KLF8: variants seen among roughly 807,000 people sequenced by gnomAD.
KLF8 encodes the protein KLF transcription factor 8.
In KLF8, 10 loss-of-function variants were observed where a neutral mutation model predicts 18.2. The ratio of observed to expected loss-of-function variants is 0.55; its 90% confidence interval spans 0.34 to 0.93. KLF8 has a LOEUF of 0.93. KLF8 is among the 40% of genes least tolerant of loss of function. The pLI, the probability that KLF8 is intolerant of heterozygous loss-of-function variation, is 0.02. For missense variants in KLF8, 264 were observed against 277.9 expected (o/e 0.95, Z 0.36); for synonymous variants, 109 against 97.3 (o/e 1.12, Z -0.71).
Position 56,289,173 on chromosome X carries a change from A to G in KLF8, c.*4679A>G, listed in dbSNP as rs1488136239. The stretch of plus-strand genomic sequence containing the variant: ...CTTCGAGTTATAATCTAATACTACT[A>G]CTTTATTTTATTGCTCGAATTGTTC... On this transcript the variant is annotated 3_prime_UTR_variant, in exon 6 of 6. Coordinates refer to ENST00000468660, the MANE Select transcript of KLF8 (RefSeq NM_007250.5). 8.9e-6 allele frequency among the ~76,000 whole-genome samples: 1 copy of G among 111,862 alleles called. No individual in the cohort carries two copies. Among genetic ancestry groups the G allele is most frequent in the Non-Finnish European group, 1.9e-5 (1 of 53,246 alleles).
chrX:56,038,403 T>G, the KLF8 span, among the ~76,000 whole-genome samples: 1 of 111,480 alleles, frequency 9.0e-6, no homozygotes, highest in Admixed American at 9.5e-5. Context: ...GGCCCCAGTG[T>G]GTTGTTCCCT....
Position 56,269,484 on chromosome X carries a change from G to A in KLF8, c.753G>A (p.Gln251=), listed in dbSNP as rs770675296. Residue 251 remains glutamine (Q), a synonymous_variant, in exon 4 of 6, where the codon CAG becomes CAA. Transcript: ENST00000468660. The part of the protein sequence containing the change: ...SSALQSLQGL[Q]QEPAAMAQMQ... ...CCTTGCAGAGTCTGCAGGGACTACAGCAAGAGTGAGTACTTTTTGTCTTCA... is the reference window on the plus strand; with the variant it reads ...CCTTGCAGAGTCTGCAGGGACTACAACAAGAGTGAGTACTTTTTGTCTTCA... 1 of 1,191,657 alleles carries A rather than the reference G, an allele frequency of 8.4e-7. No individual in the cohort carries two copies. The highest frequency in any genetic ancestry group is 1.9e-5 in the South Asian group (1 of 53,020).
At chrX:56,010,507 C>A in the KLF8 span, among the ~76,000 whole-genome samples, 1 of 111,946 alleles carries the variant, frequency 8.9e-6, no homozygotes, top group Non-Finnish European at 1.9e-5. Flanking sequence ...ACTACAAAAA[C>A]ACAATGAAAT....
rs2067042190 is a variant in KLF8 at position 56,270,459 on chromosome X, A to G, written c.898+138A>G. The G allele has an allele frequency of 4.0e-6, 3 of 749,755 alleles. No homozygotes were observed. In the South Asian group the frequency reaches 1.4e-4, roughly 34 times the overall value. The allele number at this position is 749,755 out of a possible 1,213,427, so 61.8% of individuals were successfully genotyped here. ...GAGAGAGAAAATTTCTGAGAGACAG[A>G]GAATGAAGTCCTGAAACAAAGACTG... is the stretch of plus-strand genomic sequence containing the variant. On this transcript the variant is annotated intron_variant, in intron 5 of 5. Transcript: ENST00000468660.
the KLF8 span, among the ~76,000 whole-genome samples, chrX:56,053,896 C>T: frequency 9.0e-6 from 1 of 110,658 alleles, no homozygotes; most frequent in Non-Finnish European, 1.9e-5. Context: ...TCTTCTCTCC[C>T]TATTTCTTCA....
the KLF8 span, among the ~76,000 whole-genome samples, chrX:56,187,100 G>C: frequency 2.7e-5 from 3 of 111,230 alleles, no homozygotes; most frequent in South Asian, 1.1e-3. Context: ...TTTTTGAAAG[G>C]ATCAACAAAA....
the KLF8 span, among the ~76,000 whole-genome samples, chrX:55,974,457 T>G: frequency 4.5e-5 from 5 of 111,658 alleles, no homozygotes; most frequent in Admixed American, 9.5e-5. Flanking sequence ...TAAACAATAA[T>G]AAGGAAAAAA....
chrX:56,056,341 C>G, the KLF8 span, among the ~76,000 whole-genome samples: 2 of 110,155 alleles, frequency 1.8e-5, no homozygotes, highest in Non-Finnish European at 3.8e-5. Context: ...AGGGGAACAA[C>G]ACTCTACTTT....
chrX:56,181,685 G>A, the KLF8 span, among the ~76,000 whole-genome samples: 12 of 110,899 alleles, frequency 1.1e-4, no homozygotes, highest in Middle Eastern at 4.2e-3. Context: ...CGGCATTTGC[G>A]TGTCTGTAAA....
the KLF8 span, among the ~76,000 whole-genome samples, chrX:55,968,320 A>T: frequency 8.9e-6 from 1 of 111,817 alleles, no homozygotes; most frequent in Non-Finnish European, 1.9e-5. Flanking sequence ...GAATGGATTT[A>T]AAAAAATGCA....
the KLF8 span, among the ~76,000 whole-genome samples, chrX:56,052,062 G>A: frequency 1.1e-3 from 125 of 111,094 alleles, 1 homozygote; most frequent in Non-Finnish European, 2.0e-3. Context: ...TGATTGCATC[G>A]GCTCCTGAGG....
the KLF8 span, among the ~76,000 whole-genome samples, chrX:56,046,676 T>C: frequency 1.8e-5 from 2 of 111,329 alleles, no homozygotes; most frequent in African/African-American, 6.5e-5. Flanking sequence ...TCTTTCCTAA[T>C]TATTTTGTTT....
the KLF8 span, among the ~76,000 whole-genome samples, chrX:56,202,127 G>A: frequency 9.0e-6 from 1 of 111,196 alleles, no homozygotes; most frequent in Non-Finnish European, 1.9e-5. Context: ...GGCTCGTACT[G>A]TCCAATAGTC....
chrX:56,155,947 A>G, the KLF8 span, among the ~76,000 whole-genome samples: 1 of 111,997 alleles, frequency 8.9e-6, no homozygotes, highest in African/African-American at 3.2e-5. Flanking sequence ...GCTTAAGATT[A>G]TGGCCTCCAG....
Position 56,265,549 on chromosome X carries a change from A to G in KLF8, c.451A>G (p.Thr151Ala). The change falls in exon 3 of 6, where the codon ACT (threonine) becomes GCT (alanine). Residue 151 changes from threonine (T) to alanine (A), a missense_variant. Physicochemically the swap from Thr to Ala is moderately conservative, Grantham distance 58. Coordinates refer to ENST00000468660, the MANE Select transcript of KLF8 (RefSeq NM_007250.5). ...PGSVLTSSQS[T>A]GSQQILHVIH... The stretch of plus-strand genomic sequence containing the variant: ...CTCTGTCCTGACCTCCTCTCAGAGC[A>G]CTGGTAGCCAGCAGATCTTACATGT... 5 of 1,211,151 alleles carry G rather than the reference A, an allele frequency of 4.1e-6. No homozygotes were observed. Among genetic ancestry groups the G allele is most frequent in the Non-Finnish European group, 5.6e-6 (5 of 894,914 alleles).
At chrX:56,200,228 T>C in the KLF8 span, among the ~76,000 whole-genome samples, 6 of 110,594 alleles carry the variant, frequency 5.4e-5, no homozygotes, top group Non-Finnish European at 1.1e-4. Flanking sequence ...AGTTAAAGTA[T>C]TTAAAAAAGT....
the KLF8 span, among the ~76,000 whole-genome samples, chrX:56,141,301 A>G: frequency 2.7e-5 from 3 of 111,800 alleles, no homozygotes; most frequent in Non-Finnish European, 5.6e-5. Context: ...GTTAAGACTC[A>G]GGTCATTTAT....
At chrX:56,061,335 G>T in the KLF8 span, among the ~76,000 whole-genome samples, 77 of 111,834 alleles carry the variant, frequency 6.9e-4, no homozygotes, top group South Asian at 3.3e-3. Context: ...CACTGCTTTA[G>T]CTGTATCCCA....
At chrX:55,947,235 G>C in the KLF8 span, among the ~76,000 whole-genome samples, 4 of 110,407 alleles carry the variant, frequency 3.6e-5, no homozygotes, top group Non-Finnish European at 7.6e-5. Context: ...TTGGAACCAA[G>C]CCAAATGTCC....
Sources: gnomAD v4.1 joint callset for allele counts (sites outside exome capture counted in the v4.1 genomes callset) on GRCh38, gnomAD v4.1.1 for gene constraint, MANE v1.5 for transcripts, NCBI Gene and HGNC (gene_info 2026-07-23, HGNC 2026-07-21) for gene names.